The following TMEM132D variants were observed in gnomAD, a reference collection of about 807,000 sequenced individuals.
TMEM132D encodes the protein transmembrane protein 132D.
A neutral mutation model predicts 62.3 loss-of-function variants in TMEM132D; 21 were observed. The ratio of observed to expected loss-of-function variants is 0.34; its 90% CI spans 0.24 to 0.49. The LOEUF (loss-of-function observed/expected upper bound fraction) is 0.49. Ranked by LOEUF, TMEM132D falls within the 20% of genes least tolerant of loss-of-function variation. TMEM132D has a pLI of 0.99. For synonymous variants in TMEM132D, 621 were observed against 575.6 expected (o/e 1.08, Z -1.13); for missense variants, 1,346 against 1,402.8 (o/e 0.96, Z 0.65).
chr12:129,655,491 C>T (rs1406381347), intron 2 of TMEM132D, among the ~76,000 whole-genome samples: 1 of 151,458 alleles, frequency 6.6e-6, no homozygotes, highest in East Asian at 1.9e-4. Context: ...AGGTGATCTG[C>T]CTGCCTCGGC....
rs572638692 is a variant in TMEM132D, at chr12:129,538,080, C to T, written c.969-6875G>A. Among the ~76,000 whole-genome samples the T allele has an allele frequency of 1.3e-3, 198 of 152,256 alleles. 1 individual carries two copies. The highest frequency in any genetic ancestry group is 4.6e-3 in the African/African-American group (192 of 41,548). ...AGACATCTAAAGATTTAAAGCAGAG[C>T]GATGTCCTCTGTCACTTCTGAGATT... is the stretch of plus-strand genomic sequence containing the variant. On this transcript the variant is annotated intron_variant, in intron 2 of 8. Transcript: ENST00000422113.
intron 1 of TMEM132D, among the ~76,000 whole-genome samples, chr12:129,837,811 C>A (rs190272778): frequency 6.6e-6 from 1 of 151,958 alleles, no homozygotes. Context: ...CCGGAGCCCA[C>A]GAAATATACA....
intron 3 of TMEM132D, among the ~76,000 whole-genome samples, chr12:129,513,480 GGTTTGTTT>G (rs200219250): frequency 6.6e-6 from 1 of 151,774 alleles, no homozygotes; most frequent in East Asian, 1.9e-4. Flanking sequence ...AACAAAAACA[GGTTTGTTT>G]GTTTGTTTGT....
intron 2 of TMEM132D, among the ~76,000 whole-genome samples, chr12:129,692,749 A>T (rs1485503560): frequency 6.6e-6 from 1 of 152,206 alleles, no homozygotes; most frequent in Non-Finnish European, 1.5e-5. Context: ...ACAAAGGAAC[A>T]GAAAACCAAA....
chr12:129,792,293 C>T (rs1011086074), intron 1 of TMEM132D, among the ~76,000 whole-genome samples: 12 of 152,156 alleles, frequency 7.9e-5, no homozygotes, highest in African/African-American at 2.9e-4. Flanking sequence ...ACCAACTACA[C>T]CTCTCACCAT....
chr12:129,843,120 G>GT (rs1361785508), intron 1 of TMEM132D, among the ~76,000 whole-genome samples: 4 of 152,108 alleles, frequency 2.6e-5, no homozygotes, highest in Non-Finnish European at 5.9e-5. Context: ...AGTACTGCCT[G>GT]TAAGATGTTG....
intron 4 of TMEM132D, among the ~76,000 whole-genome samples, chr12:129,282,503 G>A (rs893652861): frequency 2.0e-5 from 3 of 152,232 alleles, no homozygotes; most frequent in African/African-American, 4.8e-5. Context: ...GCTACGATCC[G>A]GGCTGACTAA....
intron 5 of TMEM132D, among the ~76,000 whole-genome samples, chr12:129,195,387 G>C (rs915510224): frequency 5.9e-5 from 9 of 152,092 alleles, no homozygotes; most frequent in Non-Finnish European, 1.3e-4. Flanking sequence ...GCAGTTGTAA[G>C]GAACATAGCT....
chr12:129,166,903 C>G (rs1180523368), intron 5 of TMEM132D, among the ~76,000 whole-genome samples: 1 of 152,102 alleles, frequency 6.6e-6, no homozygotes, highest in Admixed American at 6.5e-5. Flanking sequence ...GTGGCTCACA[C>G]TTGTAATCCC....
chr12:129,563,534 C>T lies in TMEM132D; in HGVS notation c.969-32329G>A, dbSNP rs146375195. 1.5e-3 allele frequency among the ~76,000 whole-genome samples: 226 copies of T among 152,240 alleles called. 1 individual carries two copies. The highest frequency in any genetic ancestry group is 0.01 in the East Asian group (54 of 5,178). On this transcript the variant is annotated intron_variant, in intron 2 of 8. Transcript: ENST00000422113. ...GTAATCAGGCACTGTGGTCAACCTA[C>T]GAGGGAGGTGACAAGAGAGATGTGT...
chr12:129,208,150 C>A (rs903986327), intron 5 of TMEM132D, among the ~76,000 whole-genome samples: 7 of 152,106 alleles, frequency 4.6e-5, no homozygotes, highest in African/African-American at 1.7e-4. Flanking sequence ...CCCTAGGTCA[C>A]CAGCAAGGTG....
intron 6 of TMEM132D, among the ~76,000 whole-genome samples, chr12:129,083,206 G>A (rs1874509051): frequency 6.6e-6 from 1 of 152,218 alleles, no homozygotes; most frequent in Non-Finnish European, 1.5e-5. Flanking sequence ...GAGGCCAAAT[G>A]TGATAAGAAA....
chr12:129,321,266 C>A (rs915578700), intron 4 of TMEM132D, among the ~76,000 whole-genome samples: 1 of 152,132 alleles, frequency 6.6e-6, no homozygotes, highest in Non-Finnish European at 1.5e-5. Context: ...TATCACTGAT[C>A]TTCCTAACAA....
Position 129,074,305 on chromosome 12 carries a change from C to T in TMEM132D, c.2870G>A (p.Gly957Glu), listed in dbSNP as rs764597587. The change falls in exon 9 of 9, where the codon GGG (glycine) becomes GAG (glutamate). Residue 957 changes from glycine (G) to glutamate (E), a missense_variant. Physicochemically the swap from Gly to Glu is moderately conservative, Grantham distance 98 (BLOSUM62 -2). Coordinates refer to ENST00000422113, the MANE Select transcript of TMEM132D (RefSeq NM_133448.3). ...HKQVPFEEQE[G>E]MSHSHDWVGL... is the part of the protein sequence containing the mutation. ...AACCCAGTCATGAGAGTGACTCATC[C>T]CTTCCTGCTCCTCGAAGGGAACCTG... 1 of 1,614,114 alleles carries T rather than the reference C, an allele frequency of 6.2e-7. No individual in the cohort carries two copies. Among genetic ancestry groups the T allele is most frequent in the Non-Finnish European group, 8.5e-7 (1 of 1,180,026 alleles).
At chr12:129,641,702 T>C (rs986788114) in intron 2 of TMEM132D, among the ~76,000 whole-genome samples, 56 of 152,246 alleles carry the variant, frequency 3.7e-4, no homozygotes, top group African/African-American at 1.3e-3. Flanking sequence ...CATGGAGCCC[T>C]GAGACTCCCA....
intron 5 of TMEM132D, among the ~76,000 whole-genome samples, chr12:129,087,281 A>ATGT (rs1024124740): frequency 6.6e-6 from 1 of 151,994 alleles, no homozygotes; most frequent in African/African-American, 2.4e-5. Context: ...AGGTTCATCC[A>ATGT]TGTTGTTGGA....
At chr12:129,479,372 T>TA (rs1203353665) in intron 3 of TMEM132D, among the ~76,000 whole-genome samples, 4 of 152,156 alleles carry the variant, frequency 2.6e-5, no homozygotes, top group Non-Finnish European at 5.9e-5. Flanking sequence ...TCTTTATTAC[T>TA]AGTTGAACTT....
At chr12:129,477,820 C>CA (rs201466239) in intron 3 of TMEM132D, among the ~76,000 whole-genome samples, 96 of 141,288 alleles carry the variant, frequency 6.8e-4, no homozygotes, top group Middle Eastern at 3.6e-3. Context: ...GATTCCATTT[C>CA]AAAAAAAAAA....
intron 5 of TMEM132D, among the ~76,000 whole-genome samples, chr12:129,123,147 T>C (rs1876114624): frequency 6.6e-6 from 1 of 152,196 alleles, no homozygotes; most frequent in Non-Finnish European, 1.5e-5. Context: ...AAATGAGCTA[T>C]CTTTCAGTTA....
Sources: gnomAD v4.1 joint callset for allele counts (sites outside exome capture counted in the v4.1 genomes callset) on GRCh38, gnomAD v4.1.1 for gene constraint, MANE v1.5 for transcripts, NCBI Gene and HGNC (gene_info 2026-07-23, HGNC 2026-07-21) for gene names.